XKR4: variants seen among roughly 807,000 people sequenced by gnomAD.
XKR4 encodes the protein XK-related protein 4.
In XKR4, 12 loss-of-function variants were observed where a neutral mutation model predicts 53.9. That is an observed-to-expected ratio of 0.22 (90% CI 0.14 to 0.36). XKR4 has a LOEUF of 0.36. Ranked by LOEUF, XKR4 falls within the 10% of genes least tolerant of loss-of-function variation. The pLI is 1.00. For synonymous variants in XKR4, 354 were observed against 362.4 expected, an observed-to-expected ratio of 0.98 and a Z score of 0.26; for missense variants, 799 against 859.5, an observed-to-expected ratio of 0.93 and a Z score of 0.88.
chr8:55,528,588 T>C lies in XKR4; in HGVS notation c.*4361T>C, dbSNP rs1806908295. 1.3e-5 allele frequency: 2 copies of C among 152,254 alleles called. No homozygotes were observed. The highest frequency in any genetic ancestry group is 1.5e-5 in the Non-Finnish European group (1 of 68,038). The allele number at this position is 152,254 out of a possible 1,614,324, so 9.4% of individuals were successfully genotyped here. A position where few individuals can be genotyped will look rare whatever the true frequency, so the allele number is the denominator to read the frequency against. On this transcript the variant is annotated 3_prime_UTR_variant, in exon 3 of 3. Coordinates refer to ENST00000327381, the MANE Select transcript of XKR4 (RefSeq NM_052898.2). ...CTTGGATGAGATGCCTGCATTTTTA[T>C]GTGCTAAGGAGAATTCCTTAAAGCC...
intron 1 of XKR4, among the ~76,000 whole-genome samples, chr8:55,134,805 C>T (rs2129353447): frequency 6.6e-6 from 1 of 152,348 alleles, no homozygotes; most frequent in South Asian, 2.1e-4. Context: ...TTAAAATGCA[C>T]ACATATACTG....
At chr8:55,163,819 TG>T (rs773102854) in intron 1 of XKR4, among the ~76,000 whole-genome samples, 1 of 152,166 alleles carries the variant, frequency 6.6e-6, no homozygotes, top group Non-Finnish European at 1.5e-5. Flanking sequence ...CACTCCAGCC[TG>T]GGCAATAGAA....
chr8:55,388,311 A>G (rs914665060), intron 2 of XKR4, among the ~76,000 whole-genome samples: 4 of 152,232 alleles, frequency 2.6e-5, no homozygotes, highest in African/African-American at 9.6e-5. Flanking sequence ...TCATAATGAC[A>G]TATTCTCAAA....
intron 2 of XKR4, chr8:55,454,647 C>A: frequency 9.5e-7 from 1 of 1,052,106 alleles, no homozygotes. Context: ...GCACGGTGCA[C>A]GTCAGCAGGT....
intron 2 of XKR4, among the ~76,000 whole-genome samples, chr8:55,369,370 G>C (rs1412767521): frequency 3.1e-4 from 16 of 51,836 alleles, no homozygotes; most frequent in Non-Finnish European, 6.1e-4. Flanking sequence ...GGAAGGGAAG[G>C]GGAGGGGAGG....
At chr8:55,387,468 C>T (rs1804337763) in intron 2 of XKR4, among the ~76,000 whole-genome samples, 1 of 152,334 alleles carries the variant, frequency 6.6e-6, no homozygotes, top group South Asian at 2.1e-4. Context: ...TGCCTTGCCT[C>T]TTTCCCTAGG....
At chr8:55,434,879 G>A (rs1805152337) in intron 2 of XKR4, among the ~76,000 whole-genome samples, 1 of 152,188 alleles carries the variant, frequency 6.6e-6, no homozygotes, top group Non-Finnish European at 1.5e-5. Context: ...GGGCACACAT[G>A]GCCAGCTCTC....
At chr8:55,305,198 C>A (rs901189317) in intron 1 of XKR4, among the ~76,000 whole-genome samples, 2 of 152,122 alleles carry the variant, frequency 1.3e-5, no homozygotes. Flanking sequence ...CAATTCCTTG[C>A]AACACTACAT....
At chr8:55,135,489 T>C in intron 1 of XKR4, 1 of 410,006 alleles carries the variant, frequency 2.4e-6, no homozygotes, top group Admixed American at 2.5e-5. Context: ...AATCGGTGGC[T>C]TCACTCTTTG....
At chr8:55,203,305 A>C (rs1237843929) in intron 1 of XKR4, among the ~76,000 whole-genome samples, 1 of 152,082 alleles carries the variant, frequency 6.6e-6, no homozygotes, top group African/African-American at 2.4e-5. Flanking sequence ...CACACACCTC[A>C]CAGCTGCATC....
At chr8:55,454,381 G>T in intron 2 of XKR4, 2 of 1,475,418 alleles carry the variant, frequency 1.4e-6, no homozygotes, top group Non-Finnish European at 1.9e-6. Context: ...AGGTGAAGCT[G>T]TATCTGAGAG....
intron 1 of XKR4, among the ~76,000 whole-genome samples, chr8:55,321,683 C>A (rs1395057178): frequency 1.3e-5 from 2 of 152,088 alleles, no homozygotes; most frequent in African/African-American, 2.4e-5. Context: ...ATTTGTGAAC[C>A]CACCACCTAT....
At chr8:55,418,977 G>A (rs1388492846) in intron 2 of XKR4, among the ~76,000 whole-genome samples, 1 of 151,906 alleles carries the variant, frequency 6.6e-6, no homozygotes, top group African/African-American at 2.4e-5. Context: ...TTTCCCAGTA[G>A]AATATGAGCT....
At chr8:55,503,684 T>C (rs772137467) in intron 2 of XKR4, among the ~76,000 whole-genome samples, 15 of 152,202 alleles carry the variant, frequency 9.9e-5, no homozygotes, top group Non-Finnish European at 1.9e-4. Flanking sequence ...CATTTGCATG[T>C]CTTTTATTTC....
chr8:55,325,075 G>T (rs952656474), intron 1 of XKR4, among the ~76,000 whole-genome samples: 1 of 152,018 alleles, frequency 6.6e-6, no homozygotes, highest in African/African-American at 2.4e-5. Context: ...TGTATTTTAT[G>T]TGCCACAAAA....
At chr8:55,459,776 G>A (rs568167215) in intron 2 of XKR4, among the ~76,000 whole-genome samples, 4 of 152,138 alleles carry the variant, frequency 2.6e-5, no homozygotes, top group Non-Finnish European at 5.9e-5. Flanking sequence ...AATACCAGGT[G>A]TTGGCATGAA....
At chr8:55,451,798 C>A (rs1585580542) in intron 2 of XKR4, 1 of 1,008,070 alleles carries the variant, frequency 9.9e-7, no homozygotes, top group East Asian at 2.5e-5. Context: ...CTGATAGTCG[C>A]GGCAGCAAGC....
intron 1 of XKR4, among the ~76,000 whole-genome samples, chr8:55,274,215 AG>A (rs1006559376): frequency 3.3e-5 from 5 of 152,208 alleles, no homozygotes; most frequent in African/African-American, 1.2e-4. Context: ...ATTACTTACT[AG>A]GGCTGCCATA....
chr8:55,379,014 G>A (rs931086526), intron 2 of XKR4, among the ~76,000 whole-genome samples: 1 of 152,220 alleles, frequency 6.6e-6, no homozygotes, highest in Non-Finnish European at 1.5e-5. Context: ...CTTACTAGCT[G>A]TGTGTGAGTT....
Sources: gnomAD v4.1 joint callset for allele counts (sites outside exome capture counted in the v4.1 genomes callset) on GRCh38, gnomAD v4.1.1 for gene constraint, MANE v1.5 for transcripts, NCBI Gene and HGNC (gene_info 2026-07-23, HGNC 2026-07-21) for gene names.